The following DTNB variants were observed in gnomAD, a reference collection of about 807,000 sequenced individuals.
The protein encoded by DTNB is dystrobrevin beta.
Under a neutral mutation model 90.7 loss-of-function variants are expected in DTNB, and 63 were observed. That is an observed-to-expected ratio of 0.69 (90% CI 0.57 to 0.86). The LOEUF is 0.86. Ranked by LOEUF, DTNB falls within the 40% of genes least tolerant of loss-of-function variation. The pLI, the probability that DTNB is intolerant of heterozygous loss-of-function variation, is 0.00. For synonymous variants in DTNB, 277 were observed against 286.7 expected, an observed-to-expected ratio of 0.97 and a Z score of 0.34; for missense variants, 744 against 807.1, an observed-to-expected ratio of 0.92 and a Z score of 0.95.
intron 3 of DTNB, among the ~76,000 whole-genome samples, chr2:25,630,053 C>A (rs1055314964): frequency 6.6e-6 from 1 of 152,032 alleles, no homozygotes; most frequent in Non-Finnish European, 1.5e-5. Flanking sequence ...AAAAAGATAA[C>A]CCAATTTAAA....
intron 5 of DTNB, among the ~76,000 whole-genome samples, chr2:25,599,205 C>T (rs1265464717): frequency 1.3e-5 from 2 of 150,428 alleles, no homozygotes; most frequent in African/African-American, 4.9e-5. Context: ...AACTAGATTA[C>T]GGAATAAAGG....
intron 5 of DTNB, among the ~76,000 whole-genome samples, chr2:25,596,971 G>A (rs1217976320): frequency 6.6e-6 from 1 of 152,070 alleles, no homozygotes; most frequent in African/African-American, 2.4e-5. Context: ...TCCACAGTTG[G>A]GGAGTAAAAG....
At chr2:25,532,594 C>T (rs2078459465) in intron 8 of DTNB, among the ~76,000 whole-genome samples, 2 of 152,176 alleles carry the variant, frequency 1.3e-5, no homozygotes, top group African/African-American at 4.8e-5. Context: ...AAGCAACATG[C>T]CACAATTAGG....
At chr2:25,432,767 C>G in intron 14 of DTNB, 119 bp downstream of exon 14, 1 of 1,035,504 alleles carries the variant, frequency 9.7e-7, no homozygotes, top group Non-Finnish European at 1.4e-6. Flanking sequence ...CTTCAGTGGT[C>G]TGCGCTCACA....
chr2:25,478,289 C>T (rs779176361), intron 10 of DTNB, among the ~76,000 whole-genome samples: 1 of 152,058 alleles, frequency 6.6e-6, no homozygotes, highest in African/African-American at 2.4e-5. Context: ...AATTGGATAC[C>T]CTGGACCTCG....
At chr2:25,648,914 A>T (rs1045645371) in intron 2 of DTNB, among the ~76,000 whole-genome samples, 1 of 152,078 alleles carries the variant, frequency 6.6e-6, no homozygotes, top group African/African-American at 2.4e-5. Context: ...CTTAACAGTG[A>T]AATATTAGAA....
chr2:25,576,615 T>C, intron 8 of DTNB: 1 of 500,958 alleles, frequency 2.0e-6, no homozygotes, highest in Non-Finnish European at 3.4e-6. Flanking sequence ...AAAGAGACCA[T>C]TTCAAATGTA....
intron 7 of DTNB, among the ~76,000 whole-genome samples, chr2:25,578,746 G>GT (rs2061096128): frequency 6.6e-6 from 1 of 152,062 alleles, no homozygotes; most frequent in African/African-American, 2.4e-5. Flanking sequence ...TAGTTACCTT[G>GT]TTATATACCT....
chr2:25,597,847 G>A (rs940513615), intron 5 of DTNB, among the ~76,000 whole-genome samples: 1 of 152,166 alleles, frequency 6.6e-6, no homozygotes, highest in Admixed American at 6.5e-5. Flanking sequence ...AACTTTCAAT[G>A]TAGCTGGAAA....
chr2:25,543,643 T>TA (rs1235018058), intron 8 of DTNB, among the ~76,000 whole-genome samples: 5 of 152,210 alleles, frequency 3.3e-5, no homozygotes, highest in Non-Finnish European at 7.3e-5. Flanking sequence ...TGTTGCTTTT[T>TA]ATCTAGAAAA....
intron 8 of DTNB, among the ~76,000 whole-genome samples, chr2:25,546,093 T>C (rs1328167159): frequency 1.3e-5 from 2 of 152,190 alleles, no homozygotes; most frequent in Non-Finnish European, 2.9e-5. Context: ...ATTGGGACTT[T>C]CATAACTGTC....
chr2:25,623,115 G>C (rs962401845), intron 4 of DTNB, among the ~76,000 whole-genome samples: 6 of 152,176 alleles, frequency 3.9e-5, no homozygotes, highest in African/African-American at 1.4e-4. Flanking sequence ...AACAAAAACA[G>C]AGGAAATATT....
At chr2:25,546,843 CTTTT>C (rs930703040) in intron 8 of DTNB, among the ~76,000 whole-genome samples, 2 of 145,598 alleles carry the variant, frequency 1.4e-5, no homozygotes, top group African/African-American at 5.0e-5. Context: ...ATCTTCTATT[CTTTT>C]TTTTTTTTTC....
intron 8 of DTNB, among the ~76,000 whole-genome samples, chr2:25,536,717 C>A (rs2079890493): frequency 6.6e-6 from 1 of 152,008 alleles, no homozygotes; most frequent in Non-Finnish European, 1.5e-5. Flanking sequence ...AGACAGAGAG[C>A]GAGAGCGAGA....
intron 8 of DTNB, among the ~76,000 whole-genome samples, chr2:25,565,637 T>C (rs573276610): frequency 6.6e-5 from 10 of 152,286 alleles, no homozygotes; most frequent in African/African-American, 2.2e-4. Context: ...TGACAGAATT[T>C]TGGGTTTTGT....
chr2:25,419,430 G>T, intron 16 of DTNB, 85 bp downstream of exon 16: 2 of 1,538,706 alleles, frequency 1.3e-6, no homozygotes, highest in Middle Eastern at 3.4e-4. Flanking sequence ...TGATGTGCGG[G>T]GAGAAGAGGA....
At chr2:25,383,691 T>A in intron 19 of DTNB, 145 bp downstream of exon 19, 2 of 1,528,634 alleles carry the variant, frequency 1.3e-6, no homozygotes, top group South Asian at 2.6e-5. Flanking sequence ...GACTGTCAGA[T>A]GGGAAAAGTA....
chr2:25,455,426 G>A lies in DTNB; in HGVS notation c.1148C>T (p.Ala383Val), dbSNP rs776698181. Residue 383 changes from alanine (A) to valine (V), a missense_variant, in exon 11 of 21, where the codon GCC becomes GTC. Ala to Val is a moderately conservative substitution (Grantham distance 64, BLOSUM62 0). Coordinates refer to ENST00000406818, the MANE Select transcript of DTNB (RefSeq NM_021907.5). Reference sequence around the variant, plus strand: ...TGACCGTGCACAGTGCTGCAGACGGGCCACATAGGAGGCTATCAGCGCATG... The same window carrying A: ...TGACCGTGCACAGTGCTGCAGACGGACCACATAGGAGGCTATCAGCGCATG... ...DEHALIASYVARLQHCARVLD... is the reference protein window; with the variant it reads ...DEHALIASYVVRLQHCARVLD... The A allele has an allele frequency of 4.4e-6, 7 of 1,602,820 alleles. No individual in the cohort carries two copies. The highest frequency in any genetic ancestry group is 6.0e-6 in the Non-Finnish European group (7 of 1,175,040).
intron 9 of DTNB, among the ~76,000 whole-genome samples, chr2:25,531,159 T>C (rs2078093519): frequency 6.6e-6 from 1 of 152,220 alleles, no homozygotes; most frequent in Admixed American, 6.5e-5. Context: ...TCTCTGCCAC[T>C]GATTTAAGGA....
Sources: gnomAD v4.1 joint callset for allele counts (sites outside exome capture counted in the v4.1 genomes callset) on GRCh38, gnomAD v4.1.1 for gene constraint, MANE v1.5 for transcripts, NCBI Gene and HGNC (gene_info 2026-07-23, HGNC 2026-07-21) for gene names.